MSRA: variants seen among roughly 807,000 people sequenced by gnomAD.
MSRA encodes the protein mitochondrial peptide methionine sulfoxide reductase.
MSRA carries 54 observed loss-of-function variants against 31.3 expected under a neutral mutation model. The ratio of observed to expected loss-of-function variants is 1.73; its 90% CI spans 1.39 to 2.17. The LOEUF (loss-of-function observed/expected upper bound fraction) is 2.17. Ranked by LOEUF, MSRA falls within the 30% of genes most tolerant of loss-of-function variation. The pLI, the probability that MSRA is intolerant of heterozygous loss-of-function variation, is 0.00. For missense variants in MSRA, 507 were observed against 300.9 expected (o/e 1.69, Z -5.07); for synonymous variants, 169 against 116.5 (o/e 1.45, Z -2.90).
At chr8:10,073,162 T>C (rs745420830) in intron 1 of MSRA, among the ~76,000 whole-genome samples, 4 of 152,238 alleles carry the variant, frequency 2.6e-5, no homozygotes, top group Admixed American at 1.3e-4. Context: ...AAAAAAAGTA[T>C]TGAGAGCAGA....
intron 1 of MSRA, among the ~76,000 whole-genome samples, chr8:10,140,297 T>C (rs1802597893): frequency 6.6e-6 from 1 of 152,214 alleles, no homozygotes; most frequent in South Asian, 2.1e-4. Context: ...TGACCTGCCA[T>C]AGGGGAGAAG....
intron 2 of MSRA, among the ~76,000 whole-genome samples, chr8:10,236,519 A>G (rs767980017): frequency 6.6e-6 from 1 of 152,234 alleles, no homozygotes; most frequent in Non-Finnish European, 1.5e-5. Context: ...CATGGGGTAC[A>G]TAGAACTATA....
chr8:10,167,867 A>G (rs529131962), intron 1 of MSRA, among the ~76,000 whole-genome samples: 3 of 152,320 alleles, frequency 2.0e-5, no homozygotes, highest in African/African-American at 7.2e-5. Context: ...CCCTAAGGAA[A>G]AAAACATTGC....
intron 1 of MSRA, among the ~76,000 whole-genome samples, chr8:10,072,596 A>C (rs1164242443): frequency 6.6e-6 from 1 of 152,102 alleles, no homozygotes; most frequent in Admixed American, 6.6e-5. Flanking sequence ...GGTCTGTCCC[A>C]CTCCATATAA....
chr8:10,393,198 C>T (rs1357460863), intron 5 of MSRA, among the ~76,000 whole-genome samples: 1 of 152,174 alleles, frequency 6.6e-6, no homozygotes, highest in East Asian at 1.9e-4. Flanking sequence ...GCCCGCCCCC[C>T]GTGTTTCTAT....
At chr8:10,178,211 C>G (rs796233628) in intron 1 of MSRA, among the ~76,000 whole-genome samples, 1 of 151,916 alleles carries the variant, frequency 6.6e-6, no homozygotes, top group East Asian at 1.9e-4. Flanking sequence ...ATCAGGAGAC[C>G]CAGGGGTGTA....
At chr8:10,152,859 A>G (rs1803827945) in intron 1 of MSRA, among the ~76,000 whole-genome samples, 2 of 152,232 alleles carry the variant, frequency 1.3e-5, no homozygotes, top group Non-Finnish European at 2.9e-5. Flanking sequence ...TTGCTACAAC[A>G]GGGATGAACC....
intron 1 of MSRA, among the ~76,000 whole-genome samples, chr8:10,199,244 A>G (rs1055877636): frequency 6.6e-6 from 1 of 152,122 alleles, no homozygotes; most frequent in African/African-American, 2.4e-5. Context: ...CTCCCCAGAC[A>G]GTCTGCAGTC....
chr8:10,260,755 G>C (rs147202163), intron 3 of MSRA, among the ~76,000 whole-genome samples: 3 of 151,928 alleles, frequency 2.0e-5, no homozygotes, highest in Admixed American at 2.0e-4. Context: ...CATTGTGTGC[G>C]TGTGTGTGTG....
At chr8:10,056,223 C>CAAAA in intron 1 of MSRA, among the ~76,000 whole-genome samples, 1 of 129,142 alleles carries the variant, frequency 7.7e-6, no homozygotes, top group African/African-American at 2.9e-5. Context: ...AAAAAAAAAC[C>CAAAA]CCAAATAATC....
At chr8:10,330,662 C>A (rs1283144202) in intron 5 of MSRA, among the ~76,000 whole-genome samples, 3 of 152,212 alleles carry the variant, frequency 2.0e-5, no homozygotes, top group Non-Finnish European at 4.4e-5. Flanking sequence ...ATGCTCTTTT[C>A]TGCAGAGAAT....
intron 3 of MSRA, among the ~76,000 whole-genome samples, chr8:10,267,217 C>T (rs1372513008): frequency 6.6e-6 from 1 of 152,186 alleles, no homozygotes; most frequent in African/African-American, 2.4e-5. Context: ...AGTGCTTAAT[C>T]ATGTAATTAT....
chr8:10,327,802 G>C (rs1044818306), intron 5 of MSRA, among the ~76,000 whole-genome samples: 29 of 152,188 alleles, frequency 1.9e-4, no homozygotes, highest in African/African-American at 6.5e-4. Flanking sequence ...GCGTGGTGGT[G>C]GGCGCCTGTA....
chr8:10,303,323 C>G (rs915707734), intron 4 of MSRA, among the ~76,000 whole-genome samples: 2 of 152,164 alleles, frequency 1.3e-5, no homozygotes, highest in Non-Finnish European at 1.5e-5. Context: ...TTCATTTGAT[C>G]ACATCTTCAT....
intron 1 of MSRA, among the ~76,000 whole-genome samples, chr8:10,132,893 C>T (rs997497954): frequency 2.6e-5 from 4 of 152,160 alleles, no homozygotes; most frequent in Non-Finnish European, 4.4e-5. Flanking sequence ...TGCAGAAGAA[C>T]GAGTCTTGGC....
At chr8:10,054,796 G>T (rs1390816455) in intron 1 of MSRA, 138 bp downstream of exon 1, 1 of 962,234 alleles carries the variant, frequency 1.0e-6, no homozygotes, top group African/African-American at 1.7e-5. Flanking sequence ...CTGCGCAGGC[G>T]CGAAGGGGCG....
intron 1 of MSRA, among the ~76,000 whole-genome samples, chr8:10,072,139 A>G (rs1477159736): frequency 3.3e-5 from 5 of 152,120 alleles, no homozygotes; most frequent in South Asian, 4.1e-4. Flanking sequence ...AGGCGCACAC[A>G]TGAGCTTGCA....
At chr8:10,112,030 CAGTTTTTTTTTTGACTT>C (rs149510058) in intron 1 of MSRA, among the ~76,000 whole-genome samples, 33,077 of 142,114 alleles carry the variant, frequency 0.23, 3,771 homozygotes, top group East Asian at 0.56. Flanking sequence ...TTTTAAGACT[CAGTTTTTTTTTTGACTT>C]AGTTTTAAAT....
At position 10,242,257 on chromosome 8, in the gene MSRA, G is replaced by A. The variant is rs968460009; in HGVS notation, c.212-2847G>A. ...CTGAACTCCAGCCTGGGTGACAGAGGGAGACTCCATCTCAAAAAAAAAAAA... is the reference window on the plus strand; with the variant it reads ...CTGAACTCCAGCCTGGGTGACAGAGAGAGACTCCATCTCAAAAAAAAAAAA... On this transcript the variant is annotated intron_variant, in intron 2 of 5. Coordinates refer to ENST00000317173, the MANE Select transcript of MSRA (RefSeq NM_012331.5). Among the ~76,000 whole-genome samples, 4 of 139,802 alleles carry A rather than the reference G, an allele frequency of 2.9e-5. No homozygotes were observed. In the Admixed American group the frequency reaches 3.0e-4, roughly 10 times the overall value. 91.7% of individuals were successfully genotyped at this position (139,802 alleles called of 152,430 possible).
Sources: gnomAD v4.1 joint callset for allele counts (sites outside exome capture counted in the v4.1 genomes callset) on GRCh38, gnomAD v4.1.1 for gene constraint, MANE v1.5 for transcripts, NCBI Gene and HGNC (gene_info 2026-07-23, HGNC 2026-07-21) for gene names.